Variants in CSMD3 observed in about 807,000 individuals in gnomAD.
The protein encoded by CSMD3 is CUB and Sushi multiple domains 3.
Under a neutral mutation model 435.2 loss-of-function variants are expected in CSMD3, and 177 were observed. The ratio of observed to expected loss-of-function variants is 0.41; its 90% CI spans 0.36 to 0.46. The LOEUF (loss-of-function observed/expected upper bound fraction) is 0.46, where lower values mean the gene tolerates loss of function less well. Among genes scored for constraint, CSMD3 ranks in the 20% least tolerant of loss-of-function variants. The pLI is 0.34. For missense variants in CSMD3, 4,265 were observed against 4,504.6 expected, an observed-to-expected ratio of 0.95 and a Z score of 1.52; for synonymous variants, 1,656 against 1,520.5, an observed-to-expected ratio of 1.09 and a Z score of -2.07.
chr8:112,673,018 T>C (rs961716448), intron 16 of CSMD3, among the ~76,000 whole-genome samples: 58 of 152,220 alleles, frequency 3.8e-4, no homozygotes, highest in African/African-American at 1.3e-3. Context: ...TGGGCTAAGC[T>C]AGGTTTTGAT....
intron 4 of CSMD3, among the ~76,000 whole-genome samples, chr8:113,170,265 T>C (rs2092244234): frequency 6.9e-6 from 1 of 144,910 alleles, no homozygotes; most frequent in South Asian, 2.2e-4. Context: ...ACACTGCATA[T>C]ACAGTACTCC....
In CSMD3 at chr8:112,877,261, T is replaced by G. The variant is rs2081310604; in HGVS notation, c.1634-17995A>C. Among the ~76,000 whole-genome samples the G allele has an allele frequency of 2.0e-5, 3 of 151,608 alleles. No individual in the cohort carries two copies. The South Asian group carries it at 6.2e-4, about 32-fold the overall frequency. On this transcript the variant is annotated intron_variant, in intron 10 of 70. Coordinates refer to ENST00000297405, the MANE Select transcript of CSMD3 (RefSeq NM_198123.2). ...TTCACAGAATTAAAAAAAACTACTT[T>G]AAATTTCTTTTTTTTTTTAATTTGA...
rs573503394 is a variant in CSMD3, at chr8:112,329,723, T to C, written c.7165+5606A>G. On this transcript the variant is annotated intron_variant, in intron 45 of 70. Transcript: ENST00000297405. The stretch of plus-strand genomic sequence containing the variant: ...AAAGTAAGATATTTAAGAAAATAAA[T>C]ACCATACCTTATCAACTGGGCATAT... 3.3e-5 allele frequency among the ~76,000 whole-genome samples: 5 copies of C among 152,222 alleles called. No individual in the cohort carries two copies. The East Asian group carries it at 9.7e-4, about 29-fold the overall frequency.
intron 1 of CSMD3, among the ~76,000 whole-genome samples, chr8:113,424,644 C>G (rs1773811003): frequency 6.6e-6 from 1 of 150,658 alleles, no homozygotes. Flanking sequence ...TATTATTGTA[C>G]AAACACTATT....
intron 32 of CSMD3, among the ~76,000 whole-genome samples, chr8:112,410,305 A>G (rs1466213971): frequency 1.3e-5 from 2 of 151,312 alleles, no homozygotes; most frequent in South Asian, 2.1e-4. Flanking sequence ...GCTGTGCTAA[A>G]ATTTGTCAAT....
chr8:112,346,198 G>T lies in CSMD3; in HGVS notation c.6341C>A (p.Ala2114Asp), dbSNP rs749445679. Reference sequence around the variant, plus strand: ...GATCACACCACTGAAGTCTGACATAGCACCACCACACTGAGCTGCAAAATA... The same window carrying T: ...GATCACACCACTGAAGTCTGACATATCACCACCACACTGAGCTGCAAAATA... ...IPICLAQCGG[A>D]MSDFSGVILS... Residue 2114 changes from alanine to aspartate, a missense_variant, in exon 41 of 71, where the codon GCT becomes GAT. By Grantham distance (126) the Ala-to-Asp change is moderately radical. Around this residue, in one of 3 missense-constraint regions of CSMD3, gnomAD observed 3,255 missense variants for 3,380.2 expected, o/e 0.96. Coordinates refer to ENST00000297405, the MANE Select transcript of CSMD3 (RefSeq NM_198123.2). 4 of 1,607,716 alleles carry T rather than the reference G, an allele frequency of 2.5e-6. No individual in the cohort carries two copies. The African/African-American group carries it at 5.3e-5, about 21-fold the overall frequency.
At chr8:112,791,661 T>C (rs2078695996) in intron 13 of CSMD3, among the ~76,000 whole-genome samples, 2 of 152,138 alleles carry the variant, frequency 1.3e-5, no homozygotes, top group African/African-American at 4.8e-5. Context: ...TGTTTCCAGT[T>C]TGTAGAAATT....
At chr8:112,267,120 A>C (rs1817026280) in intron 59 of CSMD3, among the ~76,000 whole-genome samples, 1 of 152,100 alleles carries the variant, frequency 6.6e-6, no homozygotes, top group African/African-American at 2.4e-5. Flanking sequence ...CCTTAAGAAC[A>C]CCTTAGTTAC....
rs1360332711 is a variant in CSMD3 at position 112,301,857 on chromosome 8, C to T, written c.8376G>A (p.Val2792=). 1 of 1,613,834 alleles carries T rather than the reference C, an allele frequency of 6.2e-7. No homozygotes were observed. Among genetic ancestry groups the T allele is most frequent in the Admixed American group, 1.7e-5 (1 of 59,978 alleles). Residue 2792 remains valine, a synonymous_variant, in exon 53 of 71, where the codon GTG becomes GTA. Transcript: ENST00000297405. ...AAAGGCATTCCCTTACAGCAGAGCC[C>T]ACAAGCATGAATCCCAAGTCGCAGG... ...IFTCDLGFML[V]GSAVRECLSS...
chr8:113,116,959 G>C (rs1298360052), intron 4 of CSMD3, among the ~76,000 whole-genome samples: 1 of 152,142 alleles, frequency 6.6e-6, no homozygotes, highest in Non-Finnish European at 1.5e-5. Flanking sequence ...AAATTTCTAA[G>C]TGGCAAAGCA....
At chr8:113,345,730 T>G (rs1218553054) in intron 1 of CSMD3, among the ~76,000 whole-genome samples, 2 of 152,138 alleles carry the variant, frequency 1.3e-5, no homozygotes, top group Non-Finnish European at 2.9e-5. Flanking sequence ...CATTTAATCA[T>G]CTCAACATCC....
At chr8:113,239,052 T>A (rs2093182147) in intron 3 of CSMD3, among the ~76,000 whole-genome samples, 1 of 152,166 alleles carries the variant, frequency 6.6e-6, no homozygotes, top group African/African-American at 2.4e-5. Flanking sequence ...ACCAAAAGTC[T>A]CACCTTCCCC....
At chr8:112,962,676 AATAAAC>A (rs371819376) in intron 7 of CSMD3, among the ~76,000 whole-genome samples, 77 of 152,136 alleles carry the variant, frequency 5.1e-4, no homozygotes, top group Middle Eastern at 6.8e-3. Flanking sequence ...TTCTGTTTAA[AATAAAC>A]ATAGATGGGT....
At chr8:113,362,598 A>G (rs1185669368) in intron 1 of CSMD3, among the ~76,000 whole-genome samples, 3 of 152,186 alleles carry the variant, frequency 2.0e-5, no homozygotes, top group Admixed American at 2.0e-4. Context: ...TTAAATAAGT[A>G]GGCAAAACAG....
chr8:112,335,805 T>C (rs1454837031), intron 44 of CSMD3, among the ~76,000 whole-genome samples: 2 of 152,014 alleles, frequency 1.3e-5, no homozygotes, highest in Non-Finnish European at 2.9e-5. Context: ...TTTTATTTTC[T>C]TCAGCAACAG....
intron 10 of CSMD3, among the ~76,000 whole-genome samples, chr8:112,866,633 T>C (rs977031476): frequency 6.6e-6 from 1 of 152,132 alleles, no homozygotes; most frequent in Non-Finnish European, 1.5e-5. Context: ...TTGCCCCTAG[T>C]AGAAGTAATT....
At chr8:113,341,046 A>G (rs895446524) in intron 1 of CSMD3, among the ~76,000 whole-genome samples, 7 of 152,050 alleles carry the variant, frequency 4.6e-5, no homozygotes, top group African/African-American at 1.4e-4. Flanking sequence ...CTGTTTTTTA[A>G]CATTTATTTA....
At chr8:112,420,537 C>T (rs10094970) in intron 32 of CSMD3, among the ~76,000 whole-genome samples, 67,308 of 151,846 alleles carry the variant, frequency 0.44, 15,598 homozygotes, top group Middle Eastern at 0.61. Flanking sequence ...ACATTTCATT[C>T]GATTGATGTG....
intron 6 of CSMD3, among the ~76,000 whole-genome samples, chr8:113,017,096 T>C (rs914151111): frequency 6.6e-6 from 1 of 152,036 alleles, no homozygotes; most frequent in African/African-American, 2.4e-5. Flanking sequence ...TCCTCTGTTA[T>C]ATCGATATAA....
Sources: allele counts gnomAD v4.1 joint callset (sites outside exome capture counted in the v4.1 genomes callset), GRCh38; gene constraint gnomAD v4.1.1; regional missense constraint gnomAD v4.1.1; transcripts MANE v1.5; gene names NCBI Gene and HGNC (gene_info 2026-07-23, HGNC 2026-07-21).